The following SNX18 variants were observed in gnomAD, a reference collection of about 807,000 sequenced individuals.
SNX18 encodes the protein sorting nexin-18.
A neutral mutation model predicts 48.7 loss-of-function variants in SNX18; 35 were observed. That is an observed-to-expected ratio of 0.72 (90% confidence interval 0.55 to 0.95). SNX18 has a LOEUF of 0.95. Ranked by LOEUF, SNX18 falls within the 40% of genes least tolerant of loss-of-function variation. SNX18 has a pLI of 0.00. For synonymous variants in SNX18, 492 were observed against 384.7 expected (o/e 1.28, Z -3.26); for missense variants, 824 against 871.0 (o/e 0.95, Z 0.68).
At chr5:54,533,916 G>C (rs761929299) in intron 1 of SNX18, among the ~76,000 whole-genome samples, 24 of 152,122 alleles carry the variant, frequency 1.6e-4, no homozygotes, top group Non-Finnish European at 3.1e-4. Flanking sequence ...AAGGGGAGGG[G>C]AAGAAGTTAA....
At chr5:54,576,277 G>A in the SNX18 span, among the ~76,000 whole-genome samples, 35 of 152,260 alleles carry the variant, frequency 2.3e-4, no homozygotes, top group African/African-American at 7.9e-4. Context: ...CATAATAAAT[G>A]GTTCTTTTAT....
chr5:54,630,742 G>A, the SNX18 span, among the ~76,000 whole-genome samples: 1 of 151,136 alleles, frequency 6.6e-6, no homozygotes, highest in Non-Finnish European at 1.5e-5. Context: ...GCTGAGGCAG[G>A]AGAACCGCTT....
the SNX18 span, among the ~76,000 whole-genome samples, chr5:54,631,664 A>G: frequency 6.6e-6 from 1 of 152,218 alleles, no homozygotes; most frequent in African/African-American, 2.4e-5. Context: ...ATCATATATG[A>G]AACATCTCAA....
chr5:54,622,030 G>A, the SNX18 span, among the ~76,000 whole-genome samples: 2 of 152,334 alleles, frequency 1.3e-5, no homozygotes, highest in Middle Eastern at 3.4e-3. Context: ...ATTCTGGGAC[G>A]AACCAGAGCA....
the SNX18 span, among the ~76,000 whole-genome samples, chr5:54,637,801 C>T: frequency 6.6e-6 from 1 of 152,046 alleles, no homozygotes; most frequent in East Asian, 1.9e-4. Context: ...TCTGGAGGGG[C>T]CATACTCTAC....
At chr5:54,564,897 A>G in the SNX18 span, among the ~76,000 whole-genome samples, 1 of 152,104 alleles carries the variant, frequency 6.6e-6, no homozygotes, top group Non-Finnish European at 1.5e-5. Context: ...ACAAACAAAA[A>G]AAGATGTTGT....
At chr5:54,634,793 TATAA>T in the SNX18 span, among the ~76,000 whole-genome samples, 1 of 152,186 alleles carries the variant, frequency 6.6e-6, no homozygotes, top group African/African-American at 2.4e-5. Context: ...ATAATACATT[TATAA>T]ATATACACCA....
At chr5:54,568,036 A>G in the SNX18 span, among the ~76,000 whole-genome samples, 1 of 152,144 alleles carries the variant, frequency 6.6e-6, no homozygotes, top group African/African-American at 2.4e-5. Context: ...CTTATAAACC[A>G]TGCATATCAT....
the SNX18 span, among the ~76,000 whole-genome samples, chr5:54,590,158 G>A: frequency 6.6e-6 from 1 of 152,176 alleles, no homozygotes; most frequent in African/African-American, 2.4e-5. Context: ...GCCTCTTCCA[G>A]TTGACTTCTT....
intron 1 of SNX18, among the ~76,000 whole-genome samples, chr5:54,530,854 C>T (rs1762242475): frequency 1.4e-5 from 2 of 144,966 alleles, no homozygotes; most frequent in Non-Finnish European, 3.0e-5. Context: ...TGGGTTCAAG[C>T]GATTCTCCTG....
At chr5:54,575,695 A>AGTT in the SNX18 span, among the ~76,000 whole-genome samples, 36 of 152,138 alleles carry the variant, frequency 2.4e-4, no homozygotes, top group Middle Eastern at 3.4e-3. Context: ...AAAGCAGGAC[A>AGTT]TACAATTTTC....
At chr5:54,561,504 A>AT in the SNX18 span, among the ~76,000 whole-genome samples, 22,812 of 132,952 alleles carry the variant, frequency 0.17, 2,276 homozygotes, top group Middle Eastern at 0.28. Context: ...CGCCCAGCTA[A>AT]TTTTTTTTTT....
chr5:54,544,642 C>CCA lies in SNX18; in HGVS notation c.*1211_*1212insAC, dbSNP rs1554020685. ...AAAAAAAGGTATTGATGAGCCCCCC[C>CCA]CCCCCAGGACATTTAACCTTAAAAT... is the stretch of plus-strand genomic sequence containing the variant. On this transcript the variant is annotated 3_prime_UTR_variant, in exon 2 of 2. Coordinates refer to ENST00000381410, the MANE Select transcript of SNX18 (RefSeq NM_001102575.2). 1 of 135,632 alleles carries CCA rather than the reference C, an allele frequency of 7.4e-6. No homozygotes were observed. Among genetic ancestry groups the CCA allele is most frequent in the Non-Finnish European group, 1.6e-5 (1 of 63,690 alleles). 8.4% of individuals were successfully genotyped at this position (135,632 alleles called of 1,614,324 possible). A position where few individuals can be genotyped will look rare whatever the true frequency, so the allele number is the denominator to read the frequency against.
the SNX18 span, among the ~76,000 whole-genome samples, chr5:54,639,625 A>G: frequency 1.3e-5 from 2 of 152,156 alleles, no homozygotes; most frequent in African/African-American, 4.8e-5. Context: ...AATCTTGAGG[A>G]CCAGAAATAG....
chr5:54,585,268 G>A, the SNX18 span, among the ~76,000 whole-genome samples: 1 of 151,056 alleles, frequency 6.6e-6, no homozygotes, highest in Middle Eastern at 3.2e-3. Context: ...CTCCAGCCTG[G>A]GTGACAGAGT....
chr5:54,567,517 G>A, the SNX18 span, among the ~76,000 whole-genome samples: 1 of 152,236 alleles, frequency 6.6e-6, no homozygotes, highest in South Asian at 2.1e-4. Context: ...TTGGGGCCTG[G>A]GAATCGAAGA....
chr5:54,518,914 C>G lies in SNX18; in HGVS notation c.962C>G (p.Ala321Gly). ...TACAAGCACTTCGACTGGCTGTACG[C>G]GCGCCTGGCGGAGAAGTTCCCGGTC... ...RRYKHFDWLYARLAEKFPVIS... is the reference protein window; with the variant it reads ...RRYKHFDWLYGRLAEKFPVIS... Residue 321 changes from alanine (A) to glycine (G), a missense_variant, in exon 1 of 2, where the codon GCG becomes GGG. This residue lies in a region of SNX18 where 443 missense variants were observed against 503.6 expected (regional missense o/e 0.88). Coordinates refer to ENST00000381410, the MANE Select transcript of SNX18 (RefSeq NM_001102575.2). 2 of 1,613,942 alleles carry G rather than the reference C, an allele frequency of 1.2e-6. No homozygotes were observed. Among genetic ancestry groups the G allele is most frequent in the Non-Finnish European group, 1.7e-6 (2 of 1,180,034 alleles).
the SNX18 span, among the ~76,000 whole-genome samples, chr5:54,561,509 T>C: frequency 4.6e-5 from 7 of 150,912 alleles, no homozygotes; most frequent in Non-Finnish European, 1.0e-4. Context: ...AGCTAATTTT[T>C]TTTTTTTTTT....
the SNX18 span, among the ~76,000 whole-genome samples, chr5:54,605,309 G>A: frequency 4.6e-5 from 7 of 152,220 alleles, no homozygotes; most frequent in Non-Finnish European, 1.0e-4. Flanking sequence ...AGGAAAGCTA[G>A]CAAAATTGTT....
Sources: gnomAD v4.1 joint callset for allele counts (sites outside exome capture counted in the v4.1 genomes callset) on GRCh38, gnomAD v4.1.1 for gene constraint, gnomAD v4.1.1 regional missense constraint, MANE v1.5 for transcripts, NCBI Gene and HGNC (gene_info 2026-07-23, HGNC 2026-07-21) for gene names.